The following DLGAP1 variants were observed in gnomAD, a reference collection of about 807,000 sequenced individuals.
DLGAP1 encodes the protein disks large-associated protein 1.
DLGAP1 carries 11 observed loss-of-function variants against 90.8 expected under a neutral mutation model. The observed-to-expected ratio is 0.12, with a 90% confidence interval of 0.08 to 0.20. The LOEUF (loss-of-function observed/expected upper bound fraction) is 0.20. Ranked by LOEUF, DLGAP1 falls within the 10% of genes least tolerant of loss-of-function variation. The pLI, the probability that DLGAP1 is intolerant of heterozygous loss-of-function variation, is 1.00. For synonymous variants in DLGAP1, 558 were observed against 540.7 expected (o/e 1.03, Z -0.44); for missense variants, 1,050 against 1,333.8 (o/e 0.79, Z 3.31).
At chr18:3,971,414 T>C (rs6506145) in intron 3 of DLGAP1, among the ~76,000 whole-genome samples, 14,007 of 152,204 alleles carry the variant, frequency 0.092, 1,362 homozygotes, top group African/African-American at 0.25. Context: ...AATACATACA[T>C]AAGACATTTA....
chr18:4,001,937 G>A (rs2074194866), intron 3 of DLGAP1, among the ~76,000 whole-genome samples: 1 of 152,124 alleles, frequency 6.6e-6, no homozygotes, highest in South Asian at 2.1e-4. Flanking sequence ...TGCCTCTTGG[G>A]GCCATCAGAA....
intron 2 of DLGAP1, among the ~76,000 whole-genome samples, chr18:4,136,892 C>T (rs1444910430): frequency 6.6e-6 from 1 of 150,740 alleles, no homozygotes; most frequent in South Asian, 2.1e-4. Context: ...AGTTTTTATT[C>T]AATTTTGATG....
intron 7 of DLGAP1, among the ~76,000 whole-genome samples, chr18:3,691,466 A>G (rs2060895786): frequency 6.6e-6 from 1 of 151,882 alleles, no homozygotes; most frequent in Non-Finnish European, 1.5e-5. Context: ...TTAAATGAAC[A>G]TGTGTATGAC....
At chr18:3,972,786 G>C (rs1417999292) in intron 3 of DLGAP1, among the ~76,000 whole-genome samples, 1 of 152,162 alleles carries the variant, frequency 6.6e-6, no homozygotes, top group Non-Finnish European at 1.5e-5. Flanking sequence ...AATCACACTA[G>C]CTCCCCCTGC....
At chr18:3,515,762 G>A (rs1459814440) in intron 10 of DLGAP1, among the ~76,000 whole-genome samples, 1 of 120,594 alleles carries the variant, frequency 8.3e-6, no homozygotes, top group Non-Finnish European at 1.6e-5. Flanking sequence ...CTGGGCAACA[G>A]AGGAGACCCT....
intron 4 of DLGAP1, chr18:3,874,239 T>C (rs1451537849): frequency 1.9e-6 from 3 of 1,549,940 alleles, no homozygotes; most frequent in Non-Finnish European, 2.6e-6. Context: ...TTTGCTTTCC[T>C]AAAATTTCAT....
chr18:4,301,678 T>C (rs2080129815), intron 1 of DLGAP1, among the ~76,000 whole-genome samples: 1 of 152,136 alleles, frequency 6.6e-6, no homozygotes, highest in Non-Finnish European at 1.5e-5. Context: ...AAAAGTGGGA[T>C]TGCTGGATCA....
intron 7 of DLGAP1, among the ~76,000 whole-genome samples, chr18:3,682,809 C>A (rs34180468): frequency 0.01 from 1,540 of 151,860 alleles, 34 homozygotes; most frequent in African/African-American, 0.035. Flanking sequence ...TATTTATAAG[C>A]ATTATTTGAT....
chr18:4,032,724 G>C (rs1470228), intron 2 of DLGAP1, among the ~76,000 whole-genome samples: 151,131 of 152,286 alleles, frequency 0.99, 75,002 homozygotes, highest in East Asian at 1. Context: ...TTAGGGGCTA[G>C]TAGGAAGGTT....
chr18:4,082,489 T>G (rs1598368463), intron 2 of DLGAP1, among the ~76,000 whole-genome samples: 1 of 102,068 alleles, frequency 9.8e-6, no homozygotes, highest in African/African-American at 4.5e-5. Flanking sequence ...CCAGTCTGGG[T>G]GACAGAGTGA....
intron 1 of DLGAP1, among the ~76,000 whole-genome samples, chr18:4,346,808 A>G (rs1280718616): frequency 6.6e-6 from 1 of 152,216 alleles, no homozygotes; most frequent in Non-Finnish European, 1.5e-5. Flanking sequence ...AAAATAAAAT[A>G]CATTTCTAGC....
intron 2 of DLGAP1, among the ~76,000 whole-genome samples, chr18:4,033,448 G>T (rs1167204240): frequency 6.6e-6 from 1 of 152,044 alleles, no homozygotes; most frequent in Non-Finnish European, 1.5e-5. Flanking sequence ...TGTTACCAAG[G>T]CTTGCTATTA....
chr18:3,659,922 T>C (rs1168234591), intron 7 of DLGAP1, among the ~76,000 whole-genome samples: 1 of 152,142 alleles, frequency 6.6e-6, no homozygotes, highest in Non-Finnish European at 1.5e-5. Context: ...CCGGACCCAT[T>C]AGCCACATGG....
At chr18:4,226,530 C>T (rs888794793) in intron 1 of DLGAP1, among the ~76,000 whole-genome samples, 27 of 151,570 alleles carry the variant, frequency 1.8e-4, no homozygotes, top group African/African-American at 5.5e-4. Flanking sequence ...ATAGAAATAA[C>T]AAAAAGTTAA....
chr18:3,542,049 T>C lies in DLGAP1; in HGVS notation c.2058-7434A>G, dbSNP rs7239925. On this transcript the variant is annotated intron_variant, in intron 9 of 12. Transcript: ENST00000315677. ...TTCACAGATCTACTGGAATGGTAGGTGCCATTCACAGGCATATTTAATGCC... is the reference window on the plus strand; with the variant it reads ...TTCACAGATCTACTGGAATGGTAGGCGCCATTCACAGGCATATTTAATGCC... Among the ~76,000 whole-genome samples the C allele has an allele frequency of 1.8e-3, 271 of 152,346 alleles. 1 individual carries two copies. The highest frequency in any genetic ancestry group is 6.2e-3 in the African/African-American group (259 of 41,582).
intron 1 of DLGAP1, among the ~76,000 whole-genome samples, chr18:4,347,080 T>C (rs563276246): frequency 6.6e-6 from 1 of 152,182 alleles, no homozygotes; most frequent in African/African-American, 2.4e-5. Flanking sequence ...GACATCTATG[T>C]ATACAAGTTT....
intron 5 of DLGAP1, among the ~76,000 whole-genome samples, chr18:3,759,692 T>C (rs2063870687): frequency 6.6e-6 from 1 of 152,220 alleles, no homozygotes; most frequent in Admixed American, 6.5e-5. Flanking sequence ...AAGATGAACA[T>C]GCAGAACTGA....
At chr18:3,715,132 C>T (rs1186550748) in intron 7 of DLGAP1, among the ~76,000 whole-genome samples, 2 of 152,172 alleles carry the variant, frequency 1.3e-5, no homozygotes, top group African/African-American at 2.4e-5. Flanking sequence ...CTCATTCCTG[C>T]CACATTCCCT....
intron 2 of DLGAP1, among the ~76,000 whole-genome samples, chr18:4,114,056 C>CTTTTTTTTTT (rs58180172): frequency 2.8e-5 from 3 of 106,918 alleles, no homozygotes; most frequent in Non-Finnish European, 5.8e-5. Context: ...ATGCCTCTGG[C>CTTTTTTTTTT]TTTTTTTTTT....
Sources: allele counts gnomAD v4.1 joint callset (sites outside exome capture counted in the v4.1 genomes callset), GRCh38; gene constraint gnomAD v4.1.1; transcripts MANE v1.5; gene names NCBI Gene and HGNC (gene_info 2026-07-23, HGNC 2026-07-21).